The following CDC14A variants were observed in gnomAD, a reference collection of about 807,000 sequenced individuals.
CDC14A encodes the protein cell division cycle 14A.
CDC14A carries 53 observed loss-of-function variants against 74.4 expected under a neutral mutation model. That is an observed-to-expected ratio of 0.71 (90% CI 0.57 to 0.89). CDC14A has a LOEUF of 0.89. Ranked by LOEUF, CDC14A falls within the 40% of genes least tolerant of loss-of-function variation. The probability of loss-of-function intolerance (pLI) is 0.00; values close to 1 mark genes in which losing one functional copy is unlikely to be tolerated. For synonymous variants in CDC14A, 247 were observed against 258.4 expected (o/e 0.96, Z 0.43); for missense variants, 646 against 713.7 (o/e 0.91, Z 1.08).
intron 4 of CDC14A, among the ~76,000 whole-genome samples, chr1:100,414,854 C>T (rs1488309692): frequency 6.6e-6 from 1 of 152,142 alleles, no homozygotes; most frequent in Non-Finnish European, 1.5e-5. Flanking sequence ...GACACATTTT[C>T]TCCTTTCCCC....
chr1:100,514,939 T>C (rs1650065924), intron 15 of CDC14A, among the ~76,000 whole-genome samples: 1 of 152,228 alleles, frequency 6.6e-6, no homozygotes, highest in South Asian at 2.1e-4. Flanking sequence ...ACTATAAAAA[T>C]TAAAAATGCC....
Position 100,352,546 on chromosome 1 carries a change from C to G in CDC14A, c.-409C>G. On this transcript the variant is annotated 5_prime_UTR_variant, in exon 1 of 16. Transcript: ENST00000336454. ...CCCGCGGGCACTGAAGTCCTCCCGG[C>G]TGCCGCTCGAGTAGCCACGGGCGCG... is the stretch of plus-strand genomic sequence containing the variant. 1 of 1,041,432 alleles carries G rather than the reference C, an allele frequency of 9.6e-7. No individual in the cohort carries two copies. The highest frequency in any genetic ancestry group is 1.7e-5 in the African/African-American group (1 of 58,048). 64.5% of individuals were successfully genotyped at this position (1,041,432 alleles called of 1,614,324 possible). A position where few individuals can be genotyped will look rare whatever the true frequency, so the allele number is the denominator to read the frequency against.
intron 7 of CDC14A, among the ~76,000 whole-genome samples, chr1:100,444,803 A>G (rs1309064504): frequency 6.6e-6 from 1 of 152,178 alleles, no homozygotes; most frequent in Non-Finnish European, 1.5e-5. Flanking sequence ...TTAGGTTGCA[A>G]ATTCCCTGTG....
At chr1:100,498,326 G>A (rs1648175887) in intron 14 of CDC14A, 119 bp downstream of exon 14, 5 of 1,116,242 alleles carry the variant, frequency 4.5e-6, no homozygotes, top group Admixed American at 2.2e-5. Flanking sequence ...GAGAAACCAC[G>A]GAAGACCCTG....
At chr1:100,483,395 C>T (rs1174027401) in intron 10 of CDC14A, among the ~76,000 whole-genome samples, 1 of 152,246 alleles carries the variant, frequency 6.6e-6, no homozygotes, top group Admixed American at 6.5e-5. Context: ...GAAAGTATTA[C>T]TCAATCCTGT....
chr1:100,379,220 G>T (rs1215997047), intron 3 of CDC14A, among the ~76,000 whole-genome samples: 2 of 152,092 alleles, frequency 1.3e-5, no homozygotes, highest in South Asian at 2.1e-4. Context: ...TGAGTTGAGA[G>T]TATTTTTTCT....
chr1:100,351,931 A>C, upstream of CDC14A: 1 of 828,748 alleles, frequency 1.2e-6, no homozygotes, highest in Non-Finnish European at 1.9e-6. Context: ...CTGAAATGTT[A>C]GCTAGAGGCG....
intron 4 of CDC14A, among the ~76,000 whole-genome samples, chr1:100,395,656 T>C (rs1268256263): frequency 6.6e-6 from 1 of 152,232 alleles, no homozygotes; most frequent in Non-Finnish European, 1.5e-5. Flanking sequence ...GTCAGAGTAG[T>C]CTTTTAAAAT....
At chr1:100,463,740 G>A (rs1414530552) in intron 9 of CDC14A, among the ~76,000 whole-genome samples, 2 of 152,138 alleles carry the variant, frequency 1.3e-5, no homozygotes, top group Non-Finnish European at 2.9e-5. Context: ...TGACTTCGAG[G>A]AGGCTTAAAA....
At chr1:100,398,195 G>T (rs1205272172) in intron 4 of CDC14A, among the ~76,000 whole-genome samples, 1 of 152,188 alleles carries the variant, frequency 6.6e-6, no homozygotes, top group Admixed American at 6.5e-5. Flanking sequence ...GTCTGACGTT[G>T]TATGCACTTA....
At chr1:100,452,612 T>C (rs1666265176) in intron 7 of CDC14A, among the ~76,000 whole-genome samples, 1 of 152,250 alleles carries the variant, frequency 6.6e-6, no homozygotes, top group South Asian at 2.1e-4. Flanking sequence ...GTGAATCTTT[T>C]GTAGATTGGA....
intron 10 of CDC14A, among the ~76,000 whole-genome samples, chr1:100,471,949 G>A (rs1299831569): frequency 6.6e-6 from 1 of 152,022 alleles, no homozygotes; most frequent in East Asian, 1.9e-4. Flanking sequence ...TATCTTAAGT[G>A]GTACATGGAA....
At chr1:100,386,686 C>T (rs964006511) in intron 3 of CDC14A, among the ~76,000 whole-genome samples, 4 of 152,160 alleles carry the variant, frequency 2.6e-5, no homozygotes, top group Non-Finnish European at 5.9e-5. Context: ...GTCCCAGCTA[C>T]AGAGGAGACA....
chr1:100,429,036 A>G (rs895373152), intron 5 of CDC14A, among the ~76,000 whole-genome samples: 7 of 151,380 alleles, frequency 4.6e-5, no homozygotes, highest in Non-Finnish European at 8.8e-5. Flanking sequence ...CCCTGTCTCT[A>G]CTAAAAATAC....
At chr1:100,480,002 C>T (rs187560375) in intron 10 of CDC14A, among the ~76,000 whole-genome samples, 1 of 152,226 alleles carries the variant, frequency 6.6e-6, no homozygotes, top group East Asian at 1.9e-4. Context: ...ATATGTATAA[C>T]ATAAACCTTA....
intron 4 of CDC14A, among the ~76,000 whole-genome samples, chr1:100,396,750 C>A (rs1374570581): frequency 6.6e-6 from 1 of 152,190 alleles, no homozygotes; most frequent in Admixed American, 6.5e-5. Flanking sequence ...GTGGCATTAA[C>A]TACTTTTCAA....
At chr1:100,466,106 G>T (rs1667778779) in intron 9 of CDC14A, among the ~76,000 whole-genome samples, 1 of 152,266 alleles carries the variant, frequency 6.6e-6, no homozygotes, top group East Asian at 1.9e-4. Context: ...TAGTTTCAGA[G>T]AAATTGGAAA....
At chr1:100,351,638 C>T, upstream of CDC14A, 1 of 962,704 alleles carries the variant, frequency 1.0e-6, no homozygotes, top group Non-Finnish European at 1.6e-6. Context: ...CCGCGCCCGC[C>T]CAGGCTGGCT....
chr1:100,494,962 T>C, intron 12 of CDC14A, 32 bp downstream of exon 12: 1 of 1,112,120 alleles, frequency 9.0e-7, no homozygotes, highest in Non-Finnish European at 1.4e-6. Context: ...CAATTTATAG[T>C]GTGCTTCCCT....
Sources: gnomAD v4.1 joint callset for allele counts (sites outside exome capture counted in the v4.1 genomes callset) on GRCh38, gnomAD v4.1.1 for gene constraint, MANE v1.5 for transcripts, NCBI Gene and HGNC (gene_info 2026-07-23, HGNC 2026-07-21) for gene names.